Variants in ZNF804B observed in about 807,000 individuals in gnomAD.
ZNF804B encodes the protein zinc finger 804B.
In ZNF804B, 80 loss-of-function variants were observed where a neutral mutation model predicts 101.4. The observed-to-expected ratio is 0.79, with a 90% confidence interval of 0.66 to 0.95. The LOEUF is 0.95. Ranked by LOEUF, ZNF804B falls within the 40% of genes least tolerant of loss-of-function variation. The pLI is 0.00. For missense variants in ZNF804B, 1,673 were observed against 1,561.9 expected (o/e 1.07, Z -1.20); for synonymous variants, 622 against 558.8 (o/e 1.11, Z -1.59).
At chr7:89,116,982 G>A (rs1583996286) in intron 1 of ZNF804B, among the ~76,000 whole-genome samples, 1 of 152,290 alleles carries the variant, frequency 6.6e-6, no homozygotes, top group East Asian at 1.9e-4. Context: ...ATATTTATAA[G>A]AGGGCGGAAG....
intron 1 of ZNF804B, among the ~76,000 whole-genome samples, chr7:88,910,821 C>T (rs1792538681): frequency 6.6e-6 from 1 of 151,942 alleles, no homozygotes; most frequent in Non-Finnish European, 1.5e-5. Context: ...CATGTCTCTA[C>T]ATCTAGTAAT....
chr7:88,938,638 C>G (rs1358753337), intron 1 of ZNF804B, among the ~76,000 whole-genome samples: 3 of 151,866 alleles, frequency 2.0e-5, no homozygotes, highest in African/African-American at 7.3e-5. Context: ...CAGTTTAGTC[C>G]TCAGGTATAT....
intron 2 of ZNF804B, among the ~76,000 whole-genome samples, chr7:89,285,994 A>T (rs752423449): frequency 5.9e-5 from 9 of 151,964 alleles, no homozygotes; most frequent in Non-Finnish European, 1.0e-4. Context: ...ATTCCACTTA[A>T]TGAACACTTT....
chr7:89,217,235 A>C (rs751766650), intron 1 of ZNF804B, among the ~76,000 whole-genome samples: 5 of 152,226 alleles, frequency 3.3e-5, no homozygotes, highest in African/African-American at 9.6e-5. Flanking sequence ...AGGCAAGGTA[A>C]GAAGTTTTTC....
chr7:89,161,117 T>C (rs1791054702), intron 1 of ZNF804B, among the ~76,000 whole-genome samples: 1 of 151,982 alleles, frequency 6.6e-6, no homozygotes, highest in Non-Finnish European at 1.5e-5. Context: ...GCTAGAGATC[T>C]CTATCTGAGA....
chr7:88,984,509 CT>C (rs1793733403), intron 1 of ZNF804B, among the ~76,000 whole-genome samples: 1 of 151,730 alleles, frequency 6.6e-6, no homozygotes, highest in African/African-American at 2.4e-5. Context: ...TATATTCATT[CT>C]GTGTAACTGG....
intron 1 of ZNF804B, among the ~76,000 whole-genome samples, chr7:88,836,884 C>T (rs1791221949): frequency 6.6e-6 from 1 of 151,948 alleles, no homozygotes; most frequent in Non-Finnish European, 1.5e-5. Flanking sequence ...ACAAGGAACT[C>T]TGTTCTTTGT....
intron 1 of ZNF804B, among the ~76,000 whole-genome samples, chr7:88,829,666 A>T (rs1389948264): frequency 6.6e-6 from 1 of 152,158 alleles, no homozygotes; most frequent in Non-Finnish European, 1.5e-5. Flanking sequence ...GTGTTATGTT[A>T]GTGACTGATG....
intron 1 of ZNF804B, among the ~76,000 whole-genome samples, chr7:89,031,873 G>A (rs567082466): frequency 1.3e-5 from 2 of 152,034 alleles, no homozygotes; most frequent in South Asian, 2.1e-4. Flanking sequence ...AATCAATGTC[G>A]TTCTGAGGCT....
intron 1 of ZNF804B, among the ~76,000 whole-genome samples, chr7:88,992,216 G>C (rs575916440): frequency 2.4e-4 from 36 of 152,160 alleles, no homozygotes; most frequent in Admixed American, 6.5e-4. Context: ...AGATTATGTT[G>C]CTTTAAAGTC....
intron 1 of ZNF804B, among the ~76,000 whole-genome samples, chr7:89,015,960 A>C (rs1788548745): frequency 6.6e-6 from 1 of 152,040 alleles, no homozygotes; most frequent in Admixed American, 6.5e-5. Context: ...CCAACAGTGT[A>C]AAAGTGTTCC....
intron 1 of ZNF804B, among the ~76,000 whole-genome samples, chr7:89,130,040 C>T (rs10260439): frequency 0.27 from 40,741 of 151,724 alleles, 5,496 homozygotes; most frequent in Admixed American, 0.32. Context: ...TAAAGTGAAC[C>T]TCTTGGAAAC....
chr7:88,932,886 T>A (rs1006408067), intron 1 of ZNF804B, among the ~76,000 whole-genome samples: 2 of 151,628 alleles, frequency 1.3e-5, no homozygotes, highest in African/African-American at 4.8e-5. Context: ...CCTACTGAAA[T>A]GATTCCAAAA....
intron 1 of ZNF804B, among the ~76,000 whole-genome samples, chr7:88,771,115 C>T (rs1790055027): frequency 6.6e-6 from 1 of 152,232 alleles, no homozygotes; most frequent in African/African-American, 2.4e-5. Flanking sequence ...ATACCATCTA[C>T]ATCCTGTATC....
chr7:88,990,331 T>C (rs1793827384), intron 1 of ZNF804B, among the ~76,000 whole-genome samples: 1 of 152,178 alleles, frequency 6.6e-6, no homozygotes, highest in South Asian at 2.1e-4. Context: ...AAGTGGATTG[T>C]ATCCTTTTCC....
intron 1 of ZNF804B, among the ~76,000 whole-genome samples, chr7:88,901,177 CTT>C (rs1792384656): frequency 6.6e-6 from 1 of 151,732 alleles, no homozygotes; most frequent in Non-Finnish European, 1.5e-5. Flanking sequence ...AAAATTATAA[CTT>C]AACAGTTTTC....
intron 1 of ZNF804B, among the ~76,000 whole-genome samples, chr7:88,793,466 A>G (rs186007195): frequency 6.6e-6 from 1 of 152,120 alleles, no homozygotes; most frequent in African/African-American, 2.4e-5. Flanking sequence ...GGAGTAGCAC[A>G]ATGCCACCTG....
At chr7:89,168,755 C>T (rs550887112) in intron 1 of ZNF804B, among the ~76,000 whole-genome samples, 1 of 140,992 alleles carries the variant, frequency 7.1e-6, no homozygotes, top group East Asian at 2.1e-4. Flanking sequence ...TCTTTTCTTG[C>T]ATAAAACATA....
chr7:88,914,791 G>T (rs1326081898), intron 1 of ZNF804B, among the ~76,000 whole-genome samples: 2 of 152,100 alleles, frequency 1.3e-5, no homozygotes, highest in Non-Finnish European at 2.9e-5. Context: ...ATGTAGAAAG[G>T]ATATTTATTA....
Sources: gnomAD v4.1 joint callset for allele counts (sites outside exome capture counted in the v4.1 genomes callset) on GRCh38, gnomAD v4.1.1 for gene constraint, MANE v1.5 for transcripts, NCBI Gene and HGNC (gene_info 2026-07-23, HGNC 2026-07-21) for gene names.